The following RORA variants were observed in gnomAD, a reference collection of about 807,000 sequenced individuals.
RORA encodes the protein RAR related orphan receptor A.
RORA carries 7 observed loss-of-function variants against 69.5 expected under a neutral mutation model. That is an observed-to-expected ratio of 0.10 (90% CI 0.06 to 0.19). The LOEUF is 0.19. Ranked by LOEUF, RORA falls within the 10% of genes least tolerant of loss-of-function variation. The probability of loss-of-function intolerance (pLI) is 1.00; values close to 1 mark genes in which losing one functional copy is unlikely to be tolerated. For synonymous variants in RORA, 261 were observed against 240.8 expected, an observed-to-expected ratio of 1.08 and a Z score of -0.78; for missense variants, 457 against 663.0, an observed-to-expected ratio of 0.69 and a Z score of 3.41.
chr15:60,644,291 G>C (rs1304411785), intron 2 of RORA, among the ~76,000 whole-genome samples: 2 of 152,280 alleles, frequency 1.3e-5, no homozygotes, highest in African/African-American at 4.8e-5. Flanking sequence ...ATTAACAGTG[G>C]TAAGAGACAA....
chr15:61,082,772 T>C (rs1267419379), intron 1 of RORA, among the ~76,000 whole-genome samples: 8 of 152,214 alleles, frequency 5.3e-5, no homozygotes, highest in Non-Finnish European at 1.2e-4. Flanking sequence ...ATAATTAAAT[T>C]GGTTATTTCT....
chr15:60,496,074 T>C lies in RORA; in HGVS notation c.*1381A>G, dbSNP rs1015098060. 4.6e-5 allele frequency: 7 copies of C among 152,152 alleles called. No individual in the cohort carries two copies. Among genetic ancestry groups the C allele is most frequent in the Non-Finnish European group, 1.0e-4 (7 of 68,028 alleles). 9.4% of individuals were successfully genotyped at this position (152,152 alleles called of 1,614,324 possible). A position where few individuals can be genotyped will look rare whatever the true frequency, so the allele number is the denominator to read the frequency against. Reference sequence around the variant, plus strand: ...TAAATAAGAGAAACTGGTTCAACATTGTATGCTTCCCTCACCCTCCTATCC... The same window carrying C: ...TAAATAAGAGAAACTGGTTCAACATCGTATGCTTCCCTCACCCTCCTATCC... On this transcript the variant is annotated 3_prime_UTR_variant, in exon 11 of 11. Transcript: ENST00000335670. This position sits in a 1 kb window ranked among gnomAD's most constrained non-coding sequence, Gnocchi z 4.5.
chr15:61,162,247 T>C (rs944927059), intron 1 of RORA, among the ~76,000 whole-genome samples: 1 of 152,232 alleles, frequency 6.6e-6, no homozygotes, highest in Non-Finnish European at 1.5e-5. Context: ...AAAAGTGTCT[T>C]GGATCATCAC....
At chr15:61,224,831 G>C (rs1428540503) in intron 1 of RORA, among the ~76,000 whole-genome samples, 1 of 152,212 alleles carries the variant, frequency 6.6e-6, no homozygotes, top group African/African-American at 2.4e-5. Context: ...GGAACCAGAA[G>C]TGTGTGCTAC....
At chr15:60,546,012 T>C (rs1165927257) in intron 2 of RORA, among the ~76,000 whole-genome samples, 1 of 152,176 alleles carries the variant, frequency 6.6e-6, no homozygotes, top group Admixed American at 6.5e-5. Context: ...TCAGGTTGCC[T>C]TCAGTCTCTT....
rs2066527142 is a variant in RORA at position 60,531,566 on chromosome 15, T to C, written c.282+200A>G. ...GCTCAAATACCTTTTTGTAATCTCCTATTATTTTGAAGGAAGGAGTAAAAA... is the reference window on the plus strand; with the variant it reads ...GCTCAAATACCTTTTTGTAATCTCCCATTATTTTGAAGGAAGGAGTAAAAA... On this transcript the variant is annotated intron_variant, in intron 3 of 10. Transcript: ENST00000335670. This position sits in a 1 kb window ranked among gnomAD's most constrained non-coding sequence, Gnocchi z 4.8. The C allele has an allele frequency of 2.0e-6, 1 of 505,940 alleles. No homozygotes were observed. The highest frequency in any genetic ancestry group is 4.3e-5 in the Admixed American group (1 of 23,146). 31.3% of individuals were successfully genotyped at this position (505,940 alleles called of 1,614,324 possible). A position where few individuals can be genotyped will look rare whatever the true frequency, so the allele number is the denominator to read the frequency against.
chr15:60,649,047 T>G (rs1459510463), intron 2 of RORA, among the ~76,000 whole-genome samples: 1 of 152,166 alleles, frequency 6.6e-6, no homozygotes, highest in Non-Finnish European at 1.5e-5. Flanking sequence ...CAGAAGCCGA[T>G]AAGGCTGCCA....
At chr15:60,999,781 C>A (rs1158000434) in intron 1 of RORA, among the ~76,000 whole-genome samples, 2 of 152,082 alleles carry the variant, frequency 1.3e-5, no homozygotes, top group South Asian at 2.1e-4. Context: ...CTTCATCCCC[C>A]CTCCCACCAG....
chr15:60,722,652 T>C (rs1406820043), intron 1 of RORA, among the ~76,000 whole-genome samples: 1 of 152,230 alleles, frequency 6.6e-6, no homozygotes, highest in Non-Finnish European at 1.5e-5. Flanking sequence ...GGACTTGCTT[T>C]CTTGTTGCCC....
At chr15:60,944,517 G>C (rs1892802976) in intron 1 of RORA, among the ~76,000 whole-genome samples, 1 of 152,052 alleles carries the variant, frequency 6.6e-6, no homozygotes, top group Non-Finnish European at 1.5e-5. Context: ...AGGAGTTCAA[G>C]ACCAGCTTGG....
intron 1 of RORA, among the ~76,000 whole-genome samples, chr15:61,168,945 T>G (rs2079561779): frequency 6.6e-6 from 1 of 152,144 alleles, no homozygotes; most frequent in African/African-American, 2.4e-5. Flanking sequence ...ACCTCTCAAT[T>G]ATTACTCATT....
chr15:61,179,534 G>A (rs563424284), intron 1 of RORA, among the ~76,000 whole-genome samples: 2 of 152,168 alleles, frequency 1.3e-5, no homozygotes, highest in South Asian at 4.2e-4. Context: ...TCTATTTTCA[G>A]TTCTTGGATG....
chr15:60,845,980 C>G (rs971227438), intron 1 of RORA, among the ~76,000 whole-genome samples: 1 of 152,182 alleles, frequency 6.6e-6, no homozygotes, highest in African/African-American at 2.4e-5. Flanking sequence ...CTCCTGACCT[C>G]GTGATCCGCT....
chr15:60,777,124 G>A (rs1027143423), intron 1 of RORA, among the ~76,000 whole-genome samples: 1 of 152,122 alleles, frequency 6.6e-6, no homozygotes, highest in African/African-American at 2.4e-5. Flanking sequence ...AAAACACCAG[G>A]AGCCCTTTAA....
At chr15:60,770,721 C>G (rs2072060910) in intron 1 of RORA, among the ~76,000 whole-genome samples, 1 of 152,208 alleles carries the variant, frequency 6.6e-6, no homozygotes, top group Non-Finnish European at 1.5e-5. Context: ...CTCCTGGGCA[C>G]AAGAGATCCT....
At chr15:61,113,458 T>A (rs751674872) in intron 1 of RORA, among the ~76,000 whole-genome samples, 3 of 152,154 alleles carry the variant, frequency 2.0e-5, no homozygotes, top group Non-Finnish European at 4.4e-5. Context: ...AGAACATTCT[T>A]TGGCTCAGCA....
At chr15:60,791,298 A>G (rs1456610829) in intron 1 of RORA, among the ~76,000 whole-genome samples, 1 of 152,232 alleles carries the variant, frequency 6.6e-6, no homozygotes, top group Non-Finnish European at 1.5e-5. Context: ...ATATCTAAAT[A>G]TAAATGTAAG....
At chr15:60,865,382 G>A (rs752865439) in intron 1 of RORA, among the ~76,000 whole-genome samples, 17 of 152,134 alleles carry the variant, frequency 1.1e-4, no homozygotes, top group Non-Finnish European at 2.2e-4. Context: ...ATATAGCCCT[G>A]GGCTTATTAA....
At chr15:60,631,688 A>C (rs552774086) in intron 2 of RORA, among the ~76,000 whole-genome samples, 1 of 152,328 alleles carries the variant, frequency 6.6e-6, no homozygotes, top group Non-Finnish European at 1.5e-5. Context: ...GGAAAACAAG[A>C]AACAAAGAAT....
Sources: gnomAD v4.1 joint callset for allele counts (sites outside exome capture counted in the v4.1 genomes callset) on GRCh38, gnomAD v4.1.1 for gene constraint, Gnocchi (gnomAD v3.1) non-coding constraint, MANE v1.5 for transcripts, NCBI Gene and HGNC (gene_info 2026-07-23, HGNC 2026-07-21) for gene names.